CSGALNACT1: variants seen among roughly 807,000 people sequenced by gnomAD.
CSGALNACT1 encodes the protein beta4GalNAcT-1.
A neutral mutation model predicts 51.0 loss-of-function variants in CSGALNACT1; 52 were observed. The observed-to-expected ratio is 1.02, with a 90% CI of 0.82 to 1.29. CSGALNACT1 has a LOEUF of 1.29. Ranked by LOEUF, CSGALNACT1 falls within the 50% of genes most tolerant of loss-of-function variation. CSGALNACT1 has a pLI of 0.00. For missense variants in CSGALNACT1, 935 were observed against 679.2 expected, an observed-to-expected ratio of 1.38 and a Z score of -4.19; for synonymous variants, 341 against 254.4, an observed-to-expected ratio of 1.34 and a Z score of -3.24.
chr8:19,705,305 T>C (rs1475231930), intron 1 of CSGALNACT1, among the ~76,000 whole-genome samples: 1 of 152,222 alleles, frequency 6.6e-6, no homozygotes, highest in Non-Finnish European at 1.5e-5. Flanking sequence ...ACATCAAGAA[T>C]TCCATTAACT....
At chr8:19,484,705 C>T (rs1251989645) in intron 4 of CSGALNACT1, among the ~76,000 whole-genome samples, 1 of 152,198 alleles carries the variant, frequency 6.6e-6, no homozygotes, top group African/African-American at 2.4e-5. Context: ...TGTTGAAACT[C>T]TAATCCCTAG....
intron 1 of CSGALNACT1, among the ~76,000 whole-genome samples, chr8:19,621,382 T>C (rs2053805660): frequency 6.6e-6 from 1 of 152,182 alleles, no homozygotes; most frequent in African/African-American, 2.4e-5. Context: ...AATTGATTTG[T>C]TAATTTTTAT....
intron 3 of CSGALNACT1, among the ~76,000 whole-genome samples, chr8:19,573,668 T>C (rs1365019807): frequency 6.6e-6 from 1 of 152,142 alleles, no homozygotes; most frequent in Non-Finnish European, 1.5e-5. Context: ...GGTCTCGAAC[T>C]TCTGACCTCA....
In CSGALNACT1 at chr8:19,733,531, T is replaced by C. The variant is rs541429756; in HGVS notation, c.-297+24319A>G. Among the ~76,000 whole-genome samples the C allele has an allele frequency of 1.4e-3, 206 of 152,306 alleles. 3 individuals are homozygous for C. In the South Asian group the frequency reaches 0.034, roughly 25 times the overall value. ...CAGCAGCTGTGTGACATATGAAGTTTTACGCCAATATGGATTATCGCTCAC... is the reference window on the plus strand; with the variant it reads ...CAGCAGCTGTGTGACATATGAAGTTCTACGCCAATATGGATTATCGCTCAC... On this transcript the variant is annotated intron_variant, in intron 1 of 1. Coordinates refer to the CSGALNACT1 transcript ENST00000517494.
At chr8:19,458,361 G>A (rs572116118) in intron 5 of CSGALNACT1, 65 bp downstream of exon 4, 4 of 1,283,024 alleles carry the variant, frequency 3.1e-6, no homozygotes, top group Non-Finnish European at 4.6e-6. Flanking sequence ...GAGATGACGG[G>A]AAATGATATC....
At chr8:19,525,030 C>T (rs899302626) in intron 3 of CSGALNACT1, among the ~76,000 whole-genome samples, 3 of 152,164 alleles carry the variant, frequency 2.0e-5, no homozygotes, top group Non-Finnish European at 4.4e-5. Context: ...CACAAACTGA[C>T]CACAGCATTG....
intron 4 of CSGALNACT1, among the ~76,000 whole-genome samples, chr8:19,497,316 C>G (rs529109794): frequency 4.5e-4 from 69 of 152,224 alleles, no homozygotes; most frequent in Admixed American, 4.1e-3. Context: ...ACCTCAATTG[C>G]AGGGCTGAAC....
exon 1 of CSGALNACT1, chr8:19,682,557 C>G (rs2060699086): frequency 2.2e-6 from 1 of 446,694 alleles, no homozygotes; most frequent in Non-Finnish European, 4.5e-6. Flanking sequence ...TGTCAGTACT[C>G]TACTCCCAGG....
chr8:19,613,837 G>A (rs2052631447), intron 1 of CSGALNACT1, among the ~76,000 whole-genome samples: 1 of 152,114 alleles, frequency 6.6e-6, no homozygotes. Flanking sequence ...AGATTTCTGG[G>A]CTGTATTTAT....
intron 1 of CSGALNACT1, chr8:19,689,037 A>T (rs1327694845): frequency 1.3e-5 from 2 of 152,228 alleles, no homozygotes; most frequent in African/African-American, 4.8e-5. Context: ...GGTAAATGTT[A>T]ATGAGAGGCT....
At chr8:19,684,219 C>T (rs2060838355), upstream of CSGALNACT1, among the ~76,000 whole-genome samples, 1 of 151,844 alleles carries the variant, frequency 6.6e-6, no homozygotes, top group African/African-American at 2.4e-5. Flanking sequence ...TAGCAACAGA[C>T]AGGCAGATCA....
At chr8:19,534,453 GAA>G (rs112611341) in intron 3 of CSGALNACT1, among the ~76,000 whole-genome samples, 2 of 149,484 alleles carry the variant, frequency 1.3e-5, no homozygotes, top group Admixed American at 1.3e-4. Context: ...TCCATCTCAA[GAA>G]AAAAAAAATC....
Position 19,622,519 on chromosome 8 carries a change from C to T in CSGALNACT1, c.-543-20654G>A, listed in dbSNP as rs542131704. 2.0e-5 allele frequency among the ~76,000 whole-genome samples: 3 copies of T among 152,314 alleles called. No individual in the cohort carries two copies. The South Asian group carries it at 6.2e-4, about 32-fold the overall frequency. On this transcript the variant is annotated intron_variant, in intron 1 of 9. Coordinates refer to the CSGALNACT1 transcript ENST00000332246. ...AGGATTAAATATTCAAGATTCATCA[C>T]TTCCCATTCCTATTACTACATTTTA...
At chr8:19,431,413 T>C (rs114934295) in intron 6 of CSGALNACT1, among the ~76,000 whole-genome samples, 280 of 152,238 alleles carry the variant, frequency 1.8e-3, no homozygotes, top group African/African-American at 6.3e-3. Flanking sequence ...CCTATGCATA[T>C]TGAGATGGTC....
intron 3 of CSGALNACT1, among the ~76,000 whole-genome samples, chr8:19,545,872 A>G (rs2086349349): frequency 6.7e-6 from 1 of 148,464 alleles, no homozygotes; most frequent in Non-Finnish European, 1.5e-5. Context: ...ATTATATATA[A>G]GTTATATGCT....
intron 3 of CSGALNACT1, among the ~76,000 whole-genome samples, chr8:19,555,955 C>T (rs2089607342): frequency 6.6e-6 from 1 of 152,120 alleles, no homozygotes; most frequent in Non-Finnish European, 1.5e-5. Context: ...TTCTCGAGTC[C>T]CATTTTTAAA....
intron 5 of CSGALNACT1, among the ~76,000 whole-genome samples, chr8:19,446,452 C>T (rs774402660): frequency 3.3e-5 from 5 of 152,130 alleles, no homozygotes; most frequent in Non-Finnish European, 5.9e-5. Context: ...ACGAGCTCCC[C>T]ATTCCCACTG....
chr8:19,727,577 C>T (rs952195315), intron 1 of CSGALNACT1, among the ~76,000 whole-genome samples: 1 of 152,226 alleles, frequency 6.6e-6, no homozygotes, highest in African/African-American at 2.4e-5. Context: ...TCTCGAACTC[C>T]TGGGCTGAAG....
intron 5 of CSGALNACT1, among the ~76,000 whole-genome samples, chr8:19,446,363 C>T (rs1003166169): frequency 1.3e-5 from 2 of 152,052 alleles, no homozygotes; most frequent in Non-Finnish European, 2.9e-5. Context: ...GTCTACGAAG[C>T]CTTTGCCATG....
Sources: allele counts gnomAD v4.1 joint callset (sites outside exome capture counted in the v4.1 genomes callset), GRCh38; gene constraint gnomAD v4.1.1; transcripts MANE v1.5; gene names NCBI Gene and HGNC (gene_info 2026-07-23, HGNC 2026-07-21).